Variants in MYO1E observed in about 807,000 individuals in gnomAD.
MYO1E encodes the protein unconventional myosin-Ie.
MYO1E carries 68 observed loss-of-function variants against 151.1 expected under a neutral mutation model. The observed-to-expected ratio is 0.45, with a 90% confidence interval of 0.37 to 0.55. MYO1E has a LOEUF of 0.55. Ranked by LOEUF, MYO1E falls within the 20% of genes least tolerant of loss-of-function variation. The probability of loss-of-function intolerance (pLI) is 0.00; values close to 1 mark genes in which losing one functional copy is unlikely to be tolerated. For missense variants in MYO1E, 1,363 were observed against 1,389.3 expected, an observed-to-expected ratio of 0.98 and a Z score of 0.30; for synonymous variants, 601 against 501.7, an observed-to-expected ratio of 1.20 and a Z score of -2.64.
At chr15:59,291,961 T>C (rs1038840667) in intron 1 of MYO1E, among the ~76,000 whole-genome samples, 2 of 152,142 alleles carry the variant, frequency 1.3e-5, no homozygotes, top group Admixed American at 1.3e-4. Context: ...TCCTTCCAAC[T>C]CTCATTCTAA....
intron 1 of MYO1E, among the ~76,000 whole-genome samples, chr15:59,309,866 G>A (rs1440153298): frequency 2.0e-5 from 3 of 152,026 alleles, no homozygotes; most frequent in African/African-American, 7.3e-5. Context: ...ATACTGATAG[G>A]GATTATATAC....
intron 18 of MYO1E, among the ~76,000 whole-genome samples, chr15:59,181,282 A>C (rs1430632230): frequency 6.6e-6 from 1 of 152,188 alleles, no homozygotes; most frequent in Non-Finnish European, 1.5e-5. Context: ...TCATGCTACA[A>C]GATAGACTTT....
chr15:59,356,174 G>A (rs1321201290), intron 1 of MYO1E, among the ~76,000 whole-genome samples: 1 of 152,172 alleles, frequency 6.6e-6, no homozygotes, highest in African/African-American at 2.4e-5. Flanking sequence ...AGTGAAGAAA[G>A]GCATCATGAC....
intron 1 of MYO1E, among the ~76,000 whole-genome samples, chr15:59,325,067 G>A (rs890634620): frequency 2.0e-5 from 3 of 149,032 alleles, no homozygotes; most frequent in East Asian, 3.9e-4. Flanking sequence ...ACAGAATCTC[G>A]CTCTATCGCC....
rs7178385 is a variant in MYO1E, at chr15:59,297,388, A to G, written c.4-24939T>C. On this transcript the variant is annotated intron_variant, in intron 1 of 27. Transcript: ENST00000288235. ...CTGGTTCAAATGATTCTCCTGCCTCAGCCTCCTGAGTAGCTGGGATTTCAG... is the reference window on the plus strand; with the variant it reads ...CTGGTTCAAATGATTCTCCTGCCTCGGCCTCCTGAGTAGCTGGGATTTCAG... Among the ~76,000 whole-genome samples the G allele has an allele frequency of 8.5e-3, 1,231 of 145,394 alleles. 9 individuals carry two copies. Among genetic ancestry groups the G allele is most frequent in the African/African-American group, 0.03 (1,184 of 40,108 alleles).
intron 5 of MYO1E, among the ~76,000 whole-genome samples, chr15:59,236,165 A>C (rs955615784): frequency 2.0e-5 from 3 of 151,886 alleles, no homozygotes; most frequent in African/African-American, 4.8e-5. Flanking sequence ...AACATAGTGA[A>C]ACCCCCGTCT....
chr15:59,208,196 G>C (rs1341777973), intron 14 of MYO1E: 2 of 1,000,680 alleles, frequency 2.0e-6, no homozygotes, highest in East Asian at 2.6e-5. Flanking sequence ...CAGGAAAGTA[G>C]GTAGAGTGAT....
chr15:59,371,506 G>C (rs2080944333), intron 1 of MYO1E, among the ~76,000 whole-genome samples: 1 of 150,958 alleles, frequency 6.6e-6, no homozygotes, highest in Admixed American at 6.6e-5. Flanking sequence ...GCAAAGAAAA[G>C]TACACCACGC....
At chr15:59,364,762 G>C (rs1487540572) in intron 1 of MYO1E, among the ~76,000 whole-genome samples, 1 of 151,868 alleles carries the variant, frequency 6.6e-6, no homozygotes, top group Non-Finnish European at 1.5e-5. Context: ...ACAGTTGGCC[G>C]GGCATGGTAG....
chr15:59,224,771 A>C lies in MYO1E; in HGVS notation c.695T>G (p.Met232Arg). The C allele has an allele frequency of 6.2e-7, 1 of 1,614,192 alleles. No individual in the cohort carries two copies. Among genetic ancestry groups the C allele is most frequent in the Non-Finnish European group, 8.5e-7 (1 of 1,180,028 alleles). Reference sequence around the variant, plus strand: ...GAGGCTCAGGTAGTAATAATAGTCCATGCTGGTGATGCCAAGGCTGTGTTT... The same window carrying C: ...GAGGCTCAGGTAGTAATAATAGTCCCTGCTGGTGATGCCAAGGCTGTGTTT... Reference protein sequence around the residue: ...EQKHSLGITSMDYYYYLSLSG... With the variant: ...EQKHSLGITSRDYYYYLSLSG... Residue 232 changes from methionine to arginine, a missense_variant, in exon 8 of 28, where the codon ATG (methionine) becomes AGG (arginine). Coordinates refer to ENST00000288235, the MANE Select transcript of MYO1E (RefSeq NM_004998.4).
chr15:59,241,540 A>T (rs2080099715), intron 4 of MYO1E, among the ~76,000 whole-genome samples: 1 of 152,026 alleles, frequency 6.6e-6, no homozygotes, highest in Non-Finnish European at 1.5e-5. Flanking sequence ...GTCTCTACTA[A>T]AAACACAAAA....
chr15:59,208,305 G>A (rs751910605), intron 14 of MYO1E: 20 of 567,876 alleles, frequency 3.5e-5, no homozygotes, highest in Non-Finnish European at 6.2e-5. Flanking sequence ...CTCTGATGTA[G>A]CAGCACTTGC....
chr15:59,359,151 C>A (rs1025310298), intron 1 of MYO1E, among the ~76,000 whole-genome samples: 2 of 151,848 alleles, frequency 1.3e-5, no homozygotes, highest in African/African-American at 4.8e-5. Context: ...CAAGGTTGGG[C>A]ACAGTAGCTG....
At chr15:59,293,432 G>C (rs2080431199) in intron 1 of MYO1E, among the ~76,000 whole-genome samples, 1 of 151,946 alleles carries the variant, frequency 6.6e-6, no homozygotes. Flanking sequence ...TGTAATCCCA[G>C]CTACTTGGGA....
Position 59,228,942 on chromosome 15 carries a change from T to C in MYO1E, c.511-1352A>G, listed in dbSNP as rs369267718. On this transcript the variant is annotated intron_variant, in intron 6 of 27. Transcript: ENST00000288235. ...CTATGTGTCTTAATCTGATGATTCT[T>C]TTCCTCCAGGCAAAAAACAAAAACA... Among the ~76,000 whole-genome samples, 13 of 152,324 alleles carry C rather than the reference T, an allele frequency of 8.5e-5. 1 individual carries two copies. In the East Asian group the frequency reaches 2.3e-3, roughly 27 times the overall value.
At chr15:59,153,540 T>G in intron 26 of MYO1E, 50 bp downstream of exon 26, 1 of 1,579,096 alleles carries the variant, frequency 6.3e-7, no homozygotes, top group Non-Finnish European at 8.7e-7. Context: ...TTGTTTTGAA[T>G]GATGGAGATG....
intron 14 of MYO1E, chr15:59,208,164 T>A (rs1370307692): frequency 1.5e-5 from 20 of 1,303,286 alleles, no homozygotes; most frequent in Non-Finnish European, 2.1e-5. Context: ...TTGAATAAAC[T>A]TGAATTCCTA....
chr15:59,226,258 A>G (rs1011541344), intron 7 of MYO1E, among the ~76,000 whole-genome samples: 4 of 152,222 alleles, frequency 2.6e-5, no homozygotes, highest in Non-Finnish European at 5.9e-5. Context: ...ATTATTTGGC[A>G]TTGCCTAAGA....
At chr15:59,338,824 G>A (rs1299812846) in intron 1 of MYO1E, among the ~76,000 whole-genome samples, 1 of 152,166 alleles carries the variant, frequency 6.6e-6, no homozygotes, top group Non-Finnish European at 1.5e-5. Context: ...AAACAATGAA[G>A]AGTGCACCCT....
Sources: allele counts gnomAD v4.1 joint callset (sites outside exome capture counted in the v4.1 genomes callset), GRCh38; gene constraint gnomAD v4.1.1; transcripts MANE v1.5; gene names NCBI Gene and HGNC (gene_info 2026-07-23, HGNC 2026-07-21).